Variants in GALNT17 observed in about 807,000 individuals in gnomAD.
GALNT17 encodes polypeptide N-acetylgalactosaminyltransferase 17.
Under a neutral mutation model 63.7 loss-of-function variants are expected in GALNT17, and 29 were observed. The observed-to-expected ratio is 0.46, with a 90% CI of 0.34 to 0.62. The LOEUF (loss-of-function observed/expected upper bound fraction) is 0.62. Ranked by LOEUF, GALNT17 falls within the 20% of genes least tolerant of loss-of-function variation. The pLI, the probability that GALNT17 is intolerant of heterozygous loss-of-function variation, is 0.01. For synonymous variants in GALNT17, 305 were observed against 318.3 expected (o/e 0.96, Z 0.45); for missense variants, 603 against 799.6 (o/e 0.75, Z 2.97).
Position 71,419,384 on chromosome 7 carries a change from G to A in GALNT17, c.765-1524G>A, listed in dbSNP as rs189492108. Among the ~76,000 whole-genome samples, 986 of 152,236 alleles carry A rather than the reference G, an allele frequency of 6.5e-3. 5 individuals are homozygous for A. Among genetic ancestry groups the A allele is most frequent in the Non-Finnish European group, 0.011 (720 of 68,016 alleles). ...GCTGATCATTGTATCTACCTCATAC[G>A]ATTATCTTGGGGGTTGCATTAGTCA... On this transcript the variant is annotated intron_variant, in intron 4 of 10. Transcript: ENST00000333538.
At chr7:71,203,298 C>G (rs1485517273) in intron 1 of GALNT17, among the ~76,000 whole-genome samples, 1 of 152,164 alleles carries the variant, frequency 6.6e-6, no homozygotes, top group Non-Finnish European at 1.5e-5. Flanking sequence ...TCTCCACATC[C>G]AACACTTATC....
At chr7:71,253,587 ACT>A (rs1790239482) in intron 1 of GALNT17, among the ~76,000 whole-genome samples, 1 of 150,012 alleles carries the variant, frequency 6.7e-6, no homozygotes, top group Admixed American at 6.7e-5. Context: ...ACGTCCCCAA[ACT>A]CTCTTTGGAA....
chr7:71,635,458 G>A (rs560752339), intron 6 of GALNT17, among the ~76,000 whole-genome samples: 2 of 152,250 alleles, frequency 1.3e-5, no homozygotes, highest in South Asian at 4.1e-4. Context: ...TGGCTAAGGA[G>A]GAAGTACATT....
At chr7:71,661,318 C>T (rs1408227819) in intron 6 of GALNT17, among the ~76,000 whole-genome samples, 1 of 152,146 alleles carries the variant, frequency 6.6e-6, no homozygotes, top group African/African-American at 2.4e-5. Flanking sequence ...CTCTTTGACC[C>T]TCAGTTTCCT....
At chr7:71,512,026 T>TTC (rs1788364837) in intron 5 of GALNT17, among the ~76,000 whole-genome samples, 1 of 151,388 alleles carries the variant, frequency 6.6e-6, no homozygotes, top group Non-Finnish European at 1.5e-5. Context: ...TTTTTTTTTT[T>TTC]TTTTTGAGAC....
At chr7:71,668,121 G>A (rs1791013145) in intron 7 of GALNT17, among the ~76,000 whole-genome samples, 1 of 152,086 alleles carries the variant, frequency 6.6e-6, no homozygotes, top group Non-Finnish European at 1.5e-5. Flanking sequence ...CTGGAATGGT[G>A]GTGTGACTTA....
intron 5 of GALNT17, among the ~76,000 whole-genome samples, chr7:71,546,753 A>G (rs1361317649): frequency 1.3e-5 from 2 of 152,156 alleles, no homozygotes; most frequent in East Asian, 3.9e-4. Context: ...CCTGCGGTAA[A>G]GGGAATGGTC....
At chr7:71,678,072 T>G (rs1791179760) in intron 9 of GALNT17, among the ~76,000 whole-genome samples, 1 of 152,154 alleles carries the variant, frequency 6.6e-6, no homozygotes, top group African/African-American at 2.4e-5. Context: ...CAAAGCAACC[T>G]AGAACCCAGG....
At chr7:71,258,526 C>T (rs1790327585) in intron 1 of GALNT17, among the ~76,000 whole-genome samples, 1 of 152,200 alleles carries the variant, frequency 6.6e-6, no homozygotes, top group Non-Finnish European at 1.5e-5. Flanking sequence ...AGACATGTGT[C>T]CATCCCCAAG....
chr7:71,427,436 G>A (rs1786780362), intron 5 of GALNT17, among the ~76,000 whole-genome samples: 1 of 151,942 alleles, frequency 6.6e-6, no homozygotes, highest in Non-Finnish European at 1.5e-5. Flanking sequence ...AGTACCAAAT[G>A]ATTCGGCAGT....
chr7:71,698,717 G>A (rs1191479398), intron 9 of GALNT17, among the ~76,000 whole-genome samples: 1 of 152,002 alleles, frequency 6.6e-6, no homozygotes, highest in Admixed American at 6.6e-5. Flanking sequence ...GAGGAGCCTG[G>A]ACAAACAGAA....
chr7:71,240,146 A>G (rs1296517428), intron 1 of GALNT17, among the ~76,000 whole-genome samples: 1 of 152,230 alleles, frequency 6.6e-6, no homozygotes, highest in African/African-American at 2.4e-5. Context: ...CCTAGTAGCT[A>G]CTTCACAGCC....
intron 5 of GALNT17, among the ~76,000 whole-genome samples, chr7:71,552,933 C>G (rs941220048): frequency 6.6e-6 from 1 of 152,158 alleles, no homozygotes; most frequent in Admixed American, 6.5e-5. Context: ...TAGAAGGAAA[C>G]CCAGTTGCTG....
At chr7:71,676,975 G>T (rs115991236) in intron 8 of GALNT17, among the ~76,000 whole-genome samples, 3,288 of 152,126 alleles carry the variant, frequency 0.022, 99 homozygotes, top group African/African-American at 0.074. Flanking sequence ...CTGTGAGGGT[G>T]GGGGGGCAAG....
At chr7:71,378,185 A>G (rs1015985742) in intron 2 of GALNT17, among the ~76,000 whole-genome samples, 12 of 152,172 alleles carry the variant, frequency 7.9e-5, no homozygotes, top group Admixed American at 4.6e-4. Flanking sequence ...CTGTGAGGGA[A>G]CTGAGCTAAT....
intron 6 of GALNT17, among the ~76,000 whole-genome samples, chr7:71,650,186 TG>T (rs552261328): frequency 6.6e-6 from 1 of 152,240 alleles, no homozygotes; most frequent in Non-Finnish European, 1.5e-5. Flanking sequence ...TTAGGGAATC[TG>T]AGTGCCAGAG....
chr7:71,510,343 G>T (rs1788335512), intron 5 of GALNT17, among the ~76,000 whole-genome samples: 1 of 152,106 alleles, frequency 6.6e-6, no homozygotes, highest in Non-Finnish European at 1.5e-5. Flanking sequence ...CTCAGAAAGA[G>T]ACCCCATACT....
At chr7:71,217,145 G>GTT (rs1197080765) in intron 1 of GALNT17, among the ~76,000 whole-genome samples, 126 of 122,700 alleles carry the variant, frequency 1.0e-3, no homozygotes, top group South Asian at 7.7e-3. Context: ...TTCGTGTTTT[G>GTT]TTTTTTTTTT....
At chr7:71,612,852 A>G (rs562567051) in intron 6 of GALNT17, among the ~76,000 whole-genome samples, 1 of 152,296 alleles carries the variant, frequency 6.6e-6, no homozygotes, top group African/African-American at 2.4e-5. Flanking sequence ...TGCATGAACC[A>G]TTCGGTTTTC....
Sources: allele counts gnomAD v4.1 joint callset (sites outside exome capture counted in the v4.1 genomes callset), GRCh38; gene constraint gnomAD v4.1.1; transcripts MANE v1.5; gene names NCBI Gene and HGNC (gene_info 2026-07-23, HGNC 2026-07-21).